The following SLC1A2 variants were observed in gnomAD, a reference collection of about 807,000 sequenced individuals.
SLC1A2 encodes the protein solute carrier family 1 member 2.
Under a neutral mutation model 48.8 loss-of-function variants are expected in SLC1A2, and 15 were observed. The ratio of observed to expected loss-of-function variants is 0.31; its 90% confidence interval spans 0.21 to 0.47. The LOEUF is 0.47. Ranked by LOEUF, SLC1A2 falls within the 20% of genes least tolerant of loss-of-function variation. SLC1A2 has a pLI of 0.99. For missense variants in SLC1A2, 502 were observed against 730.5 expected (o/e 0.69, Z 3.61); for synonymous variants, 279 against 272.6 (o/e 1.02, Z -0.23).
chr11:35,320,521 G>A (rs1263174419), intron 1 of SLC1A2, among the ~76,000 whole-genome samples: 2 of 152,254 alleles, frequency 1.3e-5, no homozygotes, highest in Non-Finnish European at 2.9e-5. Flanking sequence ...GTCAGCTCTT[G>A]AAGGATGGAT....
chr11:35,286,510 A>G (rs1378821750), intron 8 of SLC1A2: 2 of 331,074 alleles, frequency 6.0e-6, no homozygotes, highest in African/African-American at 4.3e-5. Context: ...CAGGATTGCT[A>G]AAAATCAAAT....
intron 6 of SLC1A2, among the ~76,000 whole-genome samples, chr11:35,293,329 C>T (rs1022196044): frequency 1.3e-5 from 2 of 152,172 alleles, no homozygotes; most frequent in African/African-American, 4.8e-5. Context: ...ATTTTCCCAA[C>T]CAAGACAAGC....
intron 1 of SLC1A2, among the ~76,000 whole-genome samples, chr11:35,337,296 A>G (rs1354606219): frequency 1.3e-5 from 2 of 152,164 alleles, no homozygotes; most frequent in Non-Finnish European, 2.9e-5. Context: ...AATGGCTGCC[A>G]GCATGCTAAG....
intron 1 of SLC1A2, among the ~76,000 whole-genome samples, chr11:35,359,717 AC>A (rs1439028293): frequency 7.9e-5 from 12 of 152,186 alleles, no homozygotes; most frequent in African/African-American, 2.9e-4. Context: ...GCATGCAGAG[AC>A]CTGTGCATTT....
chr11:35,313,531 C>CT (rs1239663761), intron 3 of SLC1A2, among the ~76,000 whole-genome samples: 1 of 152,122 alleles, frequency 6.6e-6, no homozygotes, highest in Non-Finnish European at 1.5e-5. Flanking sequence ...GATTGAACCC[C>CT]TTTTTGGGTG....
At chr11:35,332,790 C>G (rs10768127) in intron 1 of SLC1A2, among the ~76,000 whole-genome samples, 122,151 of 152,138 alleles carry the variant, frequency 0.8, 49,676 homozygotes, top group East Asian at 0.93. Context: ...TTCCTTAGGG[C>G]AGAAATTGTT....
chr11:35,261,540 T>G (rs1167821833), intron 10 of SLC1A2: 1 of 396,928 alleles, frequency 2.5e-6, no homozygotes, highest in South Asian at 1.4e-4. Flanking sequence ...ATTACTTCAA[T>G]GCAGACATTT....
At chr11:35,263,281 C>CA (rs1431371309) in intron 10 of SLC1A2, among the ~76,000 whole-genome samples, 1 of 152,136 alleles carries the variant, frequency 6.6e-6, no homozygotes, top group East Asian at 1.9e-4. Context: ...GCCTGACCAA[C>CA]ATGGAGAAAC....
chr11:35,330,795 C>A (rs1330476636), intron 1 of SLC1A2, among the ~76,000 whole-genome samples: 1 of 152,144 alleles, frequency 6.6e-6, no homozygotes, highest in Admixed American at 6.5e-5. Context: ...TAGAAACTGG[C>A]AAAGGCAAGG....
At chr11:35,378,509 A>G (rs1484467227) in intron 1 of SLC1A2, among the ~76,000 whole-genome samples, 1 of 152,240 alleles carries the variant, frequency 6.6e-6, no homozygotes, top group Non-Finnish European at 1.5e-5. Context: ...GCTCACCCTT[A>G]TTCACATCAG....
intron 1 of SLC1A2, among the ~76,000 whole-genome samples, chr11:35,393,386 A>G (rs1279954845): frequency 6.6e-6 from 1 of 152,102 alleles, no homozygotes; most frequent in Non-Finnish European, 1.5e-5. Context: ...CTGATTTCTA[A>G]AGCTGCCACT....
chr11:35,393,216 G>A (rs572895397), intron 1 of SLC1A2, among the ~76,000 whole-genome samples: 6 of 152,264 alleles, frequency 3.9e-5, no homozygotes, highest in South Asian at 4.1e-4. Context: ...CCAGGGTCTC[G>A]GGCTGCTGGC....
intron 1 of SLC1A2, among the ~76,000 whole-genome samples, chr11:35,393,312 A>T (rs2135247015): frequency 6.6e-6 from 1 of 152,214 alleles, no homozygotes; most frequent in East Asian, 1.9e-4. Context: ...CTCTGTAAGG[A>T]TCTGTTTAAT....
chr11:35,409,598 T>A (rs531231446), intron 1 of SLC1A2, among the ~76,000 whole-genome samples: 1 of 152,290 alleles, frequency 6.6e-6, no homozygotes, highest in East Asian at 1.9e-4. Flanking sequence ...TTGGTGACTA[T>A]GTGAGACACA....
intron 1 of SLC1A2, 106 bp from the exon 2 acceptor site, chr11:35,317,622 C>T: frequency 7.5e-7 from 1 of 1,331,118 alleles, no homozygotes; most frequent in South Asian, 1.4e-5. Flanking sequence ...GAATCTGGAA[C>T]CATCTGCAGG....
chr11:35,403,071 G>A (rs2054807667), intron 1 of SLC1A2, among the ~76,000 whole-genome samples: 3 of 152,210 alleles, frequency 2.0e-5, no homozygotes, highest in South Asian at 2.1e-4. Context: ...AAGTAACACA[G>A]TACTGCTATT....
At chr11:35,326,486 C>G (rs1017582290) in intron 1 of SLC1A2, among the ~76,000 whole-genome samples, 2 of 152,214 alleles carry the variant, frequency 1.3e-5, no homozygotes, top group Admixed American at 6.5e-5. Flanking sequence ...AGCTGCAGCG[C>G]CTTCAGGCAC....
chr11:35,377,070 T>TC (rs1382312939), intron 1 of SLC1A2, among the ~76,000 whole-genome samples: 2 of 152,126 alleles, frequency 1.3e-5, no homozygotes, highest in African/African-American at 4.8e-5. Flanking sequence ...TAGGTGTATG[T>TC]CCCCCCTTCC....
chr11:35,412,934 G>A (rs962329438), intron 1 of SLC1A2, among the ~76,000 whole-genome samples: 1 of 151,824 alleles, frequency 6.6e-6, no homozygotes, highest in Admixed American at 6.6e-5. Flanking sequence ...TCTCCATTAT[G>A]TACAACCCAG....
Sources: gnomAD v4.1 joint callset for allele counts (sites outside exome capture counted in the v4.1 genomes callset) on GRCh38, gnomAD v4.1.1 for gene constraint, MANE v1.5 for transcripts, NCBI Gene and HGNC (gene_info 2026-07-23, HGNC 2026-07-21) for gene names.